Variants in CDON observed in about 807,000 individuals in gnomAD.
CDON encodes cell adhesion associated, oncogene regulated.
In CDON, 73 loss-of-function variants were observed where a neutral mutation model predicts 120.9. The ratio of observed to expected loss-of-function variants is 0.60; its 90% CI spans 0.50 to 0.73. The LOEUF is 0.73. Ranked by LOEUF, CDON falls within the 30% of genes least tolerant of loss-of-function variation. CDON has a pLI of 0.00. For missense variants in CDON, 1,470 were observed against 1,587.3 expected (o/e 0.93, Z 1.26); for synonymous variants, 566 against 573.5 (o/e 0.99, Z 0.19).
intron 1 of CDON, among the ~76,000 whole-genome samples, chr11:126,053,006 G>T (rs899316345): frequency 1.7e-4 from 26 of 152,184 alleles, no homozygotes; most frequent in Admixed American, 5.2e-4. Context: ...GCAATAGGGG[G>T]TGTCATGTCC....
intron 1 of CDON, among the ~76,000 whole-genome samples, chr11:126,060,409 T>C (rs373979116): frequency 6.6e-6 from 1 of 152,222 alleles, no homozygotes; most frequent in East Asian, 1.9e-4. Context: ...GCTCATATCA[T>C]TACACGTTAA....
chr11:126,019,178 G>A (rs1459670003), intron 4 of CDON, among the ~76,000 whole-genome samples: 1 of 152,124 alleles, frequency 6.6e-6, no homozygotes, highest in East Asian at 1.9e-4. Flanking sequence ...AAGTGCTACG[G>A]CAAGGAAAAG....
intron 1 of CDON, among the ~76,000 whole-genome samples, chr11:126,047,754 G>C (rs1464850802): frequency 6.6e-6 from 1 of 152,076 alleles, no homozygotes; most frequent in Non-Finnish European, 1.5e-5. Context: ...TTGACTCCAG[G>C]CTCTCTGACT....
At position 126,010,938 on chromosome 11, in the gene CDON, T is replaced by C. The variant is rs193141312; in HGVS notation, c.1199-244A>G. 172 of 554,696 alleles carry C rather than the reference T, an allele frequency of 3.1e-4. 1 individual carries two copies. Among genetic ancestry groups the C allele is most frequent in the African/African-American group, 2.9e-3 (156 of 53,736 alleles). 34.4% of individuals were successfully genotyped at this position (554,696 alleles called of 1,614,324 possible). A position where few individuals can be genotyped will look rare whatever the true frequency, so the allele number is the denominator to read the frequency against. On this transcript the variant is annotated intron_variant, in intron 7 of 19. Coordinates refer to ENST00000531738, the MANE Select transcript of CDON (RefSeq NM_001378964.1). ...CCTGTCCTTCAGAAAGAAAGGAATA[T>C]ATATAAAGAAATCTTTTGAGAGTTT...
At chr11:126,023,952 C>T (rs1947710122) in intron 1 of CDON, among the ~76,000 whole-genome samples, 1 of 152,194 alleles carries the variant, frequency 6.6e-6, no homozygotes, top group Non-Finnish European at 1.5e-5. Context: ...TGCCAGACAC[C>T]ATTTCAGTGC....
At chr11:125,975,970 C>A (rs1946139251) in intron 18 of CDON, among the ~76,000 whole-genome samples, 1 of 152,166 alleles carries the variant, frequency 6.6e-6, no homozygotes, top group East Asian at 1.9e-4. Context: ...TATAACTTAA[C>A]TGAAATCACG....
chr11:126,032,287 G>A (rs770358951), intron 1 of CDON, among the ~76,000 whole-genome samples: 3 of 151,984 alleles, frequency 2.0e-5, no homozygotes, highest in Non-Finnish European at 4.4e-5. Context: ...AGAGGGATAC[G>A]TTTGGGGGAT....
At chr11:126,000,759 G>A (rs1218712792) in intron 11 of CDON, among the ~76,000 whole-genome samples, 3 of 152,120 alleles carry the variant, frequency 2.0e-5, no homozygotes, top group African/African-American at 7.2e-5. Context: ...GCTTCGGAGG[G>A]AGTTCAAAGT....
intron 18 of CDON, among the ~76,000 whole-genome samples, chr11:125,977,703 T>C (rs1177374047): frequency 6.6e-6 from 1 of 152,220 alleles, no homozygotes; most frequent in Non-Finnish European, 1.5e-5. Flanking sequence ...GAGTATCCTA[T>C]GTGTTAAATG....
rs1591400469 is a variant in CDON at position 126,025,386 on chromosome 11, T to C, written c.-61-1849A>G. On this transcript the variant is annotated intron_variant, in intron 1 of 19. Coordinates refer to ENST00000531738, the MANE Select transcript of CDON (RefSeq NM_001378964.1). ...CAGTGGAGAAAAGACAAAAGCGTGA[T>C]GGTAGTTCAGGGTAGAATGGGAAGA... is the stretch of plus-strand genomic sequence containing the variant. 2.6e-5 allele frequency among the ~76,000 whole-genome samples: 4 copies of C among 152,088 alleles called. No homozygotes were observed. The Middle Eastern group carries it at 0.014, about 517-fold the overall frequency.
chr11:125,986,244 C>T (rs893335841), intron 15 of CDON, among the ~76,000 whole-genome samples: 1 of 151,872 alleles, frequency 6.6e-6, no homozygotes, highest in Non-Finnish European at 1.5e-5. Context: ...GGGAATTGAA[C>T]AATGAGAACC....
chr11:126,050,392 C>G (rs1948525051), intron 1 of CDON, among the ~76,000 whole-genome samples: 1 of 151,630 alleles, frequency 6.6e-6, no homozygotes, highest in Admixed American at 6.6e-5. Context: ...TAACTTTGAA[C>G]TAGATTAAAA....
chr11:126,061,637 C>A (rs114486718), intron 1 of CDON, among the ~76,000 whole-genome samples: 1 of 152,204 alleles, frequency 6.6e-6, no homozygotes, highest in African/African-American at 2.4e-5. Flanking sequence ...ACTGACTTGG[C>A]GTCTTTCATC....
At chr11:125,982,989 T>G (rs7131418) in intron 16 of CDON, among the ~76,000 whole-genome samples, 3 of 152,144 alleles carry the variant, frequency 2.0e-5, no homozygotes, top group Non-Finnish European at 4.4e-5. Context: ...CCCCTATCTC[T>G]TGGAAGGCAT....
At position 126,012,565 on chromosome 11, in the gene CDON, C is replaced by CT. The variant is rs755134644; in HGVS notation, c.1199-1872dup. Among the ~76,000 whole-genome samples the CT allele has an allele frequency of 3.5e-3, 470 of 135,092 alleles. 3 individuals are homozygous for CT. Among genetic ancestry groups the CT allele is most frequent in the East Asian group, 0.013 (60 of 4,678 alleles). The allele number at this position is 135,092 out of a possible 152,430, so 88.6% of individuals were successfully genotyped here. ...TACAGGTTCACGCTGCCATGCCTGG[C>CT]TTTTTTTTTTTTTTTTGTATTTTAG... On this transcript the variant is annotated intron_variant, in intron 7 of 19. Transcript: ENST00000531738.
Position 126,017,244 on chromosome 11 carries a change from C to A in CDON, c.772G>T (p.Asp258Tyr). 2 of 1,614,124 alleles carry A rather than the reference C, an allele frequency of 1.2e-6. No individual in the cohort carries two copies. Among genetic ancestry groups the A allele is most frequent in the Non-Finnish European group, 1.7e-6 (2 of 1,180,028 alleles). Residue 258 changes from aspartate (D) to tyrosine (Y), a missense_variant, in exon 6 of 20, where the codon GAC becomes TAC. Transcript: ENST00000531738. ...CTTCCTGGTGCAATGTCCTGCCCGT[C>A]CTTTAGCCAATACACTTGAGGAGCC... ...VPAPQVYWLK[D>Y]GQDIAPGSNW...
intron 1 of CDON, among the ~76,000 whole-genome samples, chr11:126,033,026 T>C (rs778749763): frequency 3.7e-4 from 56 of 152,104 alleles, no homozygotes; most frequent in Non-Finnish European, 6.6e-4. Context: ...ACTTTGATAA[T>C]GAATGAGTTG....
At chr11:125,963,528 G>C (rs1945707358) in intron 18 of CDON, among the ~76,000 whole-genome samples, 1 of 152,174 alleles carries the variant, frequency 6.6e-6, no homozygotes. Flanking sequence ...ATCAACTGTT[G>C]CTAGCAGTTA....
intron 14 of CDON, among the ~76,000 whole-genome samples, chr11:125,990,265 T>C (rs1307028101): frequency 1.3e-5 from 2 of 152,184 alleles, no homozygotes; most frequent in African/African-American, 4.8e-5. Flanking sequence ...AACTGACATA[T>C]GACCGAATGC....
Sources: gnomAD v4.1 joint callset for allele counts (sites outside exome capture counted in the v4.1 genomes callset) on GRCh38, gnomAD v4.1.1 for gene constraint, MANE v1.5 for transcripts, NCBI Gene and HGNC (gene_info 2026-07-23, HGNC 2026-07-21) for gene names.